Variants in EYS observed in about 807,000 individuals in gnomAD.
EYS encodes the protein protein eyes shut homolog.
EYS carries 250 observed loss-of-function variants against 282.1 expected under a neutral mutation model. The observed-to-expected ratio is 0.89, with a 90% CI of 0.80 to 0.98. The LOEUF is 0.98. Among genes scored for constraint, EYS ranks in the 50% least tolerant of loss-of-function variants. EYS has a pLI of 0.00. For missense variants in EYS, 4,016 were observed against 3,709.0 expected (o/e 1.08, Z -2.15); for synonymous variants, 1,355 against 1,282.9 (o/e 1.06, Z -1.20).
At chr6:64,978,752 A>C (rs1562284576) in intron 14 of EYS, among the ~76,000 whole-genome samples, 1 of 151,950 alleles carries the variant, frequency 6.6e-6, no homozygotes, top group Non-Finnish European at 1.5e-5. Flanking sequence ...GAAGAAGTTT[A>C]TTCCAATGTT....
intron 12 of EYS, among the ~76,000 whole-genome samples, chr6:65,267,427 A>G (rs1767787389): frequency 6.6e-6 from 1 of 152,082 alleles, no homozygotes; most frequent in East Asian, 1.9e-4. Flanking sequence ...CACAGTCTTT[A>G]TAAGATATTT....
At chr6:64,527,968 T>C (rs1349189936) in intron 26 of EYS, among the ~76,000 whole-genome samples, 2 of 151,746 alleles carry the variant, frequency 1.3e-5, no homozygotes, top group Admixed American at 6.6e-5. Context: ...GGAGCATCAT[T>C]ACACAAGACA....
At chr6:65,294,579 T>C (rs983655249) in intron 12 of EYS, among the ~76,000 whole-genome samples, 11 of 151,778 alleles carry the variant, frequency 7.2e-5, no homozygotes, top group African/African-American at 2.7e-4. Flanking sequence ...GTACAACCAA[T>C]ATAGAGTTGA....
chr6:63,853,606 C>G (rs1211393555), intron 36 of EYS, among the ~76,000 whole-genome samples: 1 of 152,170 alleles, frequency 6.6e-6, no homozygotes, highest in Non-Finnish European at 1.5e-5. Flanking sequence ...CTACCATTGA[C>G]TTTCTTCACA....
intron 31 of EYS, among the ~76,000 whole-genome samples, chr6:64,190,929 A>T (rs568208885): frequency 2.0e-5 from 3 of 152,324 alleles, no homozygotes; most frequent in African/African-American, 7.2e-5. Flanking sequence ...GGTGAAAAAC[A>T]GTATCTCATT....
At chr6:64,145,641 CT>C (rs141540084) in intron 31 of EYS, among the ~76,000 whole-genome samples, 3,766 of 152,186 alleles carry the variant, frequency 0.025, 143 homozygotes, top group African/African-American at 0.085. Context: ...AAAACCTTAT[CT>C]TTTTTTCTTT....
intron 36 of EYS, among the ~76,000 whole-genome samples, chr6:63,827,237 CAT>C (rs1462935749): frequency 1.3e-5 from 2 of 152,180 alleles, no homozygotes; most frequent in Non-Finnish European, 2.9e-5. Context: ...AACCTAAACA[CAT>C]ACGCACCTAA....
chr6:65,285,927 T>G (rs1209106377), intron 12 of EYS, among the ~76,000 whole-genome samples: 4 of 151,888 alleles, frequency 2.6e-5, no homozygotes, highest in Non-Finnish European at 5.9e-5. Context: ...GTGACCAAAT[T>G]GGTAGTTCAC....
chr6:65,635,176 T>C (rs1191093647), intron 2 of EYS, among the ~76,000 whole-genome samples: 1 of 152,086 alleles, frequency 6.6e-6, no homozygotes, highest in Non-Finnish European at 1.5e-5. Context: ...TGCAAAGTGG[T>C]TTTATTTTTA....
chr6:64,455,881 C>T (rs1373887273), intron 26 of EYS, among the ~76,000 whole-genome samples: 6 of 152,162 alleles, frequency 3.9e-5, no homozygotes, highest in East Asian at 1.9e-4. Context: ...ACATTAATTA[C>T]GTTTGTTCAC....
intron 26 of EYS, among the ~76,000 whole-genome samples, chr6:64,586,594 G>A (rs1051974703): frequency 6.6e-6 from 1 of 152,030 alleles, no homozygotes; most frequent in African/African-American, 2.4e-5. Flanking sequence ...GAAAAAACAA[G>A]AGATAAAATG....
chr6:63,886,624 GA>G (rs1219070488), intron 35 of EYS, among the ~76,000 whole-genome samples: 1 of 152,024 alleles, frequency 6.6e-6, no homozygotes, highest in Non-Finnish European at 1.5e-5. Context: ...TTTCTGCTTT[GA>G]ATTTTTTTTA....
intron 35 of EYS, among the ~76,000 whole-genome samples, chr6:63,929,681 C>T (rs545921249): frequency 3.3e-5 from 5 of 152,242 alleles, no homozygotes; most frequent in Non-Finnish European, 4.4e-5. Context: ...CAAAGTAACA[C>T]GTTCACAGGG....
chr6:65,487,991 G>A (rs1389892604), intron 5 of EYS, among the ~76,000 whole-genome samples: 1 of 152,102 alleles, frequency 6.6e-6, no homozygotes, highest in Non-Finnish European at 1.5e-5. Context: ...TCTGATGGTA[G>A]TTTGTATTTC....
chr6:65,076,755 A>C (rs9453177), intron 12 of EYS, among the ~76,000 whole-genome samples: 1,606 of 151,990 alleles, frequency 0.011, 26 homozygotes, highest in African/African-American at 0.035. Context: ...TCTAAGAGGC[A>C]TGCTGAGTAC....
intron 31 of EYS, among the ~76,000 whole-genome samples, chr6:64,118,897 A>G (rs923836789): frequency 2.6e-5 from 4 of 152,162 alleles, no homozygotes; most frequent in Admixed American, 6.5e-5. Context: ...AATGATCTGA[A>G]TAGACATTTC....
At chr6:64,045,437 ATTTATTTTAT>A (rs1157865615) in intron 33 of EYS, among the ~76,000 whole-genome samples, 4 of 108,186 alleles carry the variant, frequency 3.7e-5, no homozygotes, top group African/African-American at 9.2e-5. Context: ...ATTTTATTTT[ATTTATTTTAT>A]TTTATTTTAT....
At chr6:64,875,124 C>T (rs1696345553) in intron 19 of EYS, among the ~76,000 whole-genome samples, 2 of 152,054 alleles carry the variant, frequency 1.3e-5, no homozygotes, top group Admixed American at 6.6e-5. Flanking sequence ...ACTCTCTGAT[C>T]TTCCCCATTC....
At chr6:65,272,774 A>G (rs1407341139) in intron 12 of EYS, among the ~76,000 whole-genome samples, 1 of 152,200 alleles carries the variant, frequency 6.6e-6, no homozygotes. Flanking sequence ...GATAAGTAGA[A>G]TCAGCATTCA....
Sources: gnomAD v4.1 joint callset for allele counts (sites outside exome capture counted in the v4.1 genomes callset) on GRCh38, gnomAD v4.1.1 for gene constraint, MANE v1.5 for transcripts, NCBI Gene and HGNC (gene_info 2026-07-23, HGNC 2026-07-21) for gene names.